TCF4: variants seen among roughly 807,000 people sequenced by gnomAD.
The protein encoded by TCF4 is SL3-3 enhancer factor 2.
Under a neutral mutation model 82.1 loss-of-function variants are expected in TCF4, and 3 were observed. The ratio of observed to expected loss-of-function variants is 0.04; its 90% CI spans 0.02 to 0.09. The LOEUF (loss-of-function observed/expected upper bound fraction) is 0.09, where lower values mean the gene tolerates loss of function less well. Ranked by LOEUF, TCF4 falls within the 10% of genes least tolerant of loss-of-function variation. The pLI is 1.00. For missense variants in TCF4, 518 were observed against 852.7 expected, an observed-to-expected ratio of 0.61 and a Z score of 4.89; for synonymous variants, 276 against 309.6, an observed-to-expected ratio of 0.89 and a Z score of 1.14.
At chr18:55,594,269 A>C (rs192442051) in intron 2 of TCF4, among the ~76,000 whole-genome samples, 2 of 152,286 alleles carry the variant, frequency 1.3e-5, no homozygotes, top group Non-Finnish European at 2.9e-5. Context: ...TAAAGTAAGT[A>C]CTCAATCGTA....
intron 3 of TCF4, among the ~76,000 whole-genome samples, chr18:55,547,836 G>A (rs890283237): frequency 1.3e-5 from 2 of 152,110 alleles, no homozygotes; most frequent in Non-Finnish European, 2.9e-5. Context: ...GTGATTCTGT[G>A]ATATATAAAA....
At chr18:55,397,583 A>G (rs1294390740) in intron 6 of TCF4, among the ~76,000 whole-genome samples, 1 of 152,240 alleles carries the variant, frequency 6.6e-6, no homozygotes, top group Non-Finnish European at 1.5e-5. Flanking sequence ...TTTAAAAGAA[A>G]TTATAAAGAG....
intron 3 of TCF4, among the ~76,000 whole-genome samples, chr18:55,494,548 T>C (rs1041413810): frequency 3.3e-5 from 5 of 152,090 alleles, no homozygotes; most frequent in African/African-American, 9.7e-5. Context: ...CAGTCCCCAT[T>C]GATTTATAGT....
At chr18:55,556,048 T>C (rs2097301004) in intron 3 of TCF4, among the ~76,000 whole-genome samples, 1 of 152,216 alleles carries the variant, frequency 6.6e-6, no homozygotes, top group South Asian at 2.1e-4. Context: ...AATGTCCTTA[T>C]TAACTGCATG....
At position 55,225,361 on chromosome 18, in the gene TCF4, G is replaced by A. The variant is rs565609659; in HGVS notation, c.*2674C>T. On this transcript the variant is annotated 3_prime_UTR_variant, in exon 20 of 20. Coordinates refer to ENST00000354452, the MANE Select transcript of TCF4 (RefSeq NM_001083962.2). The stretch of plus-strand genomic sequence containing the variant: ...AATTTACTTTTTTGCTTTGTTTACA[G>A]ATTTGAAAAACTTTAATTCAGCTCT... 4 of 152,560 alleles carry A rather than the reference G, an allele frequency of 2.6e-5. No homozygotes were observed. The highest frequency in any genetic ancestry group is 4.4e-5 in the Non-Finnish European group (3 of 68,002). The allele number at this position is 152,560 out of a possible 1,614,324, so 9.5% of individuals were successfully genotyped here. A position where few individuals can be genotyped will look rare whatever the true frequency, so the allele number is the denominator to read the frequency against.
intron 8 of TCF4, chr18:55,322,504 G>A: frequency 2.0e-6 from 2 of 981,236 alleles, no homozygotes; most frequent in African/African-American, 1.8e-5. Context: ...TTTTCTGACT[G>A]CTTGGTCAAC....
chr18:55,280,967 G>C (rs2146299828), intron 8 of TCF4, among the ~76,000 whole-genome samples: 1 of 151,880 alleles, frequency 6.6e-6, no homozygotes, highest in African/African-American at 2.4e-5. Context: ...ATGCCCCAAA[G>C]TGCCCTTGAA....
At chr18:55,604,997 T>C (rs79818298) in intron 2 of TCF4, among the ~76,000 whole-genome samples, 531 of 152,290 alleles carry the variant, frequency 3.5e-3, no homozygotes, top group Middle Eastern at 0.017. Context: ...ATTTCAGATG[T>C]ACAAGCACAG....
intron 3 of TCF4, among the ~76,000 whole-genome samples, chr18:55,465,652 T>A (rs1455628796): frequency 2.0e-5 from 3 of 152,184 alleles, no homozygotes; most frequent in Admixed American, 2.0e-4. Flanking sequence ...TATGTTGAAC[T>A]GAAGCACACA....
rs1787791 is a variant in TCF4 at position 55,279,846 on chromosome 18, G to A, written c.550-190C>T. ...ACACAACAAAACGAAACAAAAGCTC[G>A]GTGTATTTGTGCGAACAGAAAATAA... On this transcript the variant is annotated intron_variant, in intron 8 of 19. Transcript: ENST00000354452. Among the ~76,000 whole-genome samples the A allele has an allele frequency of 0.038, 5,711 of 152,190 alleles. 364 individuals carry two copies. Among genetic ancestry groups the A allele is most frequent in the African/African-American group, 0.13 (5,418 of 41,514 alleles).
chr18:55,426,118 T>TAC (rs58725679), intron 5 of TCF4, among the ~76,000 whole-genome samples: 58 of 145,212 alleles, frequency 4.0e-4, no homozygotes, highest in Admixed American at 1.5e-3. Flanking sequence ...TATATATATA[T>TAC]ACACACACAC....
chr18:55,486,595 A>T (rs1026652136), intron 3 of TCF4, among the ~76,000 whole-genome samples: 1 of 152,210 alleles, frequency 6.6e-6, no homozygotes, highest in Non-Finnish European at 1.5e-5. Flanking sequence ...CTTGTATCAA[A>T]AACAAAAAAC....
intron 3 of TCF4, among the ~76,000 whole-genome samples, chr18:55,520,366 A>G (rs1025481785): frequency 1.3e-5 from 2 of 152,216 alleles, no homozygotes; most frequent in African/African-American, 2.4e-5. Context: ...ATAGATATGT[A>G]TATATAAAAA....
At chr18:55,439,314 G>A (rs905956250) in intron 5 of TCF4, among the ~76,000 whole-genome samples, 15 of 152,138 alleles carry the variant, frequency 9.9e-5, no homozygotes, top group Non-Finnish European at 4.4e-5. Context: ...CAGGCACCAC[G>A]CTGAGGACAG....
At chr18:55,355,225 T>A (rs771755423) in intron 6 of TCF4, among the ~76,000 whole-genome samples, 2 of 152,200 alleles carry the variant, frequency 1.3e-5, no homozygotes, top group Non-Finnish European at 2.9e-5. Context: ...TATGTGTAGG[T>A]ATCTACCAGA....
intron 8 of TCF4, among the ~76,000 whole-genome samples, chr18:55,288,673 C>T (rs2064289324): frequency 6.6e-6 from 1 of 152,200 alleles, no homozygotes; most frequent in Admixed American, 6.5e-5. Flanking sequence ...TCATCTCAGT[C>T]AGGGCAGCAC....
chr18:55,590,771 A>C (rs2097683930), upstream of TCF4, among the ~76,000 whole-genome samples: 1 of 152,260 alleles, frequency 6.6e-6, no homozygotes, highest in Non-Finnish European at 1.5e-5. Context: ...ACTATATGCT[A>C]AACAGTGTTC....
intron 5 of TCF4, among the ~76,000 whole-genome samples, chr18:55,460,637 T>C (rs2095853281): frequency 6.6e-6 from 1 of 152,252 alleles, no homozygotes. Flanking sequence ...TAACACTGAC[T>C]ATATATCACT....
intron 6 of TCF4, among the ~76,000 whole-genome samples, chr18:55,370,174 G>A (rs1348570498): frequency 6.6e-6 from 1 of 152,212 alleles, no homozygotes; most frequent in Non-Finnish European, 1.5e-5. Flanking sequence ...GAGGCAGGAG[G>A]ATCGCTTGAG....
Sources: allele counts gnomAD v4.1 joint callset (sites outside exome capture counted in the v4.1 genomes callset), GRCh38; gene constraint gnomAD v4.1.1; transcripts MANE v1.5; gene names NCBI Gene and HGNC (gene_info 2026-07-23, HGNC 2026-07-21).